ANKRD28: variants seen among roughly 807,000 people sequenced by gnomAD.
ANKRD28 encodes the protein ankyrin repeat domain 28.
Under a neutral mutation model 126.5 loss-of-function variants are expected in ANKRD28, and 44 were observed. The ratio of observed to expected loss-of-function variants is 0.35; its 90% CI spans 0.27 to 0.45. The LOEUF (loss-of-function observed/expected upper bound fraction) is 0.45, where lower values mean the gene tolerates loss of function less well. ANKRD28 is among the 20% of genes least tolerant of loss of function. ANKRD28 has a pLI of 1.00. For missense variants in ANKRD28, 1,110 were observed against 1,316.6 expected, an observed-to-expected ratio of 0.84 and a Z score of 2.43; for synonymous variants, 442 against 468.5, an observed-to-expected ratio of 0.94 and a Z score of 0.73.
intron 2 of ANKRD28, among the ~76,000 whole-genome samples, chr3:15,772,067 G>T (rs944135561): frequency 4.6e-5 from 7 of 151,918 alleles, no homozygotes; most frequent in African/African-American, 1.5e-4. Flanking sequence ...AAAATTTGGG[G>T]GATAAAGTTA....
chr3:15,733,452 TCTAA>T (rs2074795688), intron 6 of ANKRD28: 1 of 152,328 alleles, frequency 6.6e-6, no homozygotes, highest in East Asian at 1.9e-4. Flanking sequence ...TCTGCTTAAT[TCTAA>T]CTATGTTTTT....
At chr3:15,760,683 T>G (rs1559486121) in intron 3 of ANKRD28, among the ~76,000 whole-genome samples, 1 of 152,114 alleles carries the variant, frequency 6.6e-6, no homozygotes, top group Non-Finnish European at 1.5e-5. Context: ...AAGAAAGAGA[T>G]AAGACAATGT....
upstream of ANKRD28, chr3:15,798,160 G>C: frequency 1.0e-6 from 1 of 985,372 alleles, no homozygotes; most frequent in Non-Finnish European, 1.2e-6. Flanking sequence ...AGGAAATCTG[G>C]TGTACTGCCT....
intron 14 of ANKRD28, 32 bp from the exon 15 acceptor site, chr3:15,696,277 C>T: frequency 7.2e-7 from 1 of 1,381,716 alleles, no homozygotes; most frequent in Non-Finnish European, 1.0e-6. Context: ...TACTGAAAAT[C>T]CTAAATCCTG....
At position 15,817,282 on chromosome 3, in the gene ANKRD28, TTTTG is replaced by T. The variant is rs1215942874; in HGVS notation, c.28-21980_28-21977del. ...TACCATGGTTTTTTTTTCCTTGTTATTTTGTTTTTGTCCCAACTAGATAGAAAAT... is the reference window on the plus strand; with the variant it reads ...TACCATGGTTTTTTTTTCCTTGTTATTTTTTGTCCCAACTAGATAGAAAAT... On this transcript the variant is annotated intron_variant, in intron 1 of 27. Transcript: ENST00000399451. This position sits in a 1 kb window ranked among gnomAD's most constrained non-coding sequence, Gnocchi z 4.5. Among the ~76,000 whole-genome samples the T allele has an allele frequency of 6.6e-6, 1 of 152,006 alleles. No individual in the cohort carries two copies. The highest frequency in any genetic ancestry group is 1.5e-5 in the Non-Finnish European group (1 of 68,006).
chr3:15,796,131 G>A (rs148322240), intron 1 of ANKRD28, among the ~76,000 whole-genome samples: 5 of 152,206 alleles, frequency 3.3e-5, no homozygotes, highest in Admixed American at 2.6e-4. Context: ...AAACAGAAAC[G>A]TGGTTGCCAT....
chr3:15,794,414 T>G (rs963978321), intron 2 of ANKRD28, among the ~76,000 whole-genome samples: 1 of 152,084 alleles, frequency 6.6e-6, no homozygotes, highest in African/African-American at 2.4e-5. Flanking sequence ...AGGTCATCTG[T>G]TTTGGTGTTG....
rs1006025153 is a variant in ANKRD28, at chr3:15,839,600, A to G, written c.27+19777T>C. Among the ~76,000 whole-genome samples the G allele has an allele frequency of 2.1e-4, 32 of 152,154 alleles. No individual in the cohort carries two copies. Among genetic ancestry groups the G allele is most frequent in the Admixed American group, 1.3e-4 (2 of 15,268 alleles). ...AGACAAAGACACATTAAAAAAAAAGAAAACGATAGGCCAATATCACTGAGT... is the reference window on the plus strand; with the variant it reads ...AGACAAAGACACATTAAAAAAAAAGGAAACGATAGGCCAATATCACTGAGT... On this transcript the variant is annotated intron_variant, in intron 1 of 27. Transcript: ENST00000399451. This position sits in a 1 kb window ranked among gnomAD's most constrained non-coding sequence, Gnocchi z 4.3.
chr3:15,695,424 C>T lies in ANKRD28; in HGVS notation c.1660-210G>A, dbSNP rs181670973. On this transcript the variant is annotated intron_variant, in intron 15 of 27. Coordinates refer to ENST00000683139, the MANE Select transcript of ANKRD28 (RefSeq NM_001349278.2). Reference sequence around the variant, plus strand: ...AAAATTTTGGTGTGAATATCCATAACGTAGGAAAATAGTTATTTTTGTAGC... The same window carrying T: ...AAAATTTTGGTGTGAATATCCATAATGTAGGAAAATAGTTATTTTTGTAGC... 2.0e-3 allele frequency among the ~76,000 whole-genome samples: 310 copies of T among 152,148 alleles called. 2 individuals carry two copies. Among genetic ancestry groups the T allele is most frequent in the Middle Eastern group, 0.01 (3 of 294 alleles).
intron 1 of ANKRD28, among the ~76,000 whole-genome samples, chr3:15,837,894 G>GAAAAAAAAA (rs60317341): frequency 1.1e-5 from 1 of 94,204 alleles, no homozygotes; most frequent in Non-Finnish European, 2.4e-5. Context: ...AAGCTAACCA[G>GAAAAAAAAA]AAAAAAAAAA....
At position 15,670,165 on chromosome 3, in the gene ANKRD28, G is replaced by T. The variant is rs1575055635; in HGVS notation, c.*105C>A. ...ATCTCTTAACATTGGCTCACTGTGG[G>T]ATCTTTCCTCTTAGGTTGAATTTCT... On this transcript the variant is annotated 3_prime_UTR_variant, in exon 28 of 28. Transcript: ENST00000683139. 1 of 1,290,856 alleles carries T rather than the reference G, an allele frequency of 7.7e-7. No individual in the cohort carries two copies. Among genetic ancestry groups the T allele is most frequent in the Non-Finnish European group, 1.1e-6 (1 of 941,918 alleles). The allele number at this position is 1,290,856 out of a possible 1,614,324, so 80.0% of individuals were successfully genotyped here.
chr3:15,700,568 G>C (rs1040414571), intron 14 of ANKRD28, among the ~76,000 whole-genome samples: 4 of 152,130 alleles, frequency 2.6e-5, no homozygotes, highest in Non-Finnish European at 5.9e-5. Context: ...GAGGCCAAGA[G>C]ATCAAGACCA....
In ANKRD28 at chr3:15,670,298, A is replaced by G; in HGVS notation, c.3224T>C (p.Leu1075Pro). The change falls in exon 28 of 28, where the codon CTC becomes CCC. Residue 1075 changes from leucine (L) to proline (P), a missense_variant. Transcript: ENST00000683139. ...QEYLYTDVDE[L>P]NDSDSETY Reference sequence around the variant, plus strand: ...GTAGGTCTCAGAATCGGAGTCGTTGAGCTCATCCACGTCAGTGTATAAGTA... The same window carrying G: ...GTAGGTCTCAGAATCGGAGTCGTTGGGCTCATCCACGTCAGTGTATAAGTA... 1.2e-6 allele frequency: 2 copies of G among 1,608,514 alleles called. No individual in the cohort carries two copies. The highest frequency in any genetic ancestry group is 1.7e-6 in the Non-Finnish European group (2 of 1,176,842).
At chr3:15,712,738 T>C (rs1349308305) in intron 10 of ANKRD28, among the ~76,000 whole-genome samples, 2 of 152,196 alleles carry the variant, frequency 1.3e-5, no homozygotes, top group African/African-American at 4.8e-5. Context: ...AGAATGAATA[T>C]ATTGTGAAAT....
intron 4 of ANKRD28, among the ~76,000 whole-genome samples, chr3:15,749,159 G>A (rs956332588): frequency 2.2e-5 from 3 of 138,740 alleles, no homozygotes; most frequent in Admixed American, 7.3e-5. Context: ...GCCGGACTGC[G>A]GACTGCAGTG....
chr3:15,679,606 T>C (rs1206414466), intron 21 of ANKRD28, 43 bp from the exon 22 acceptor site: 2 of 1,498,016 alleles, frequency 1.3e-6, no homozygotes, highest in African/African-American at 1.4e-5. Flanking sequence ...TCAAAGGAGA[T>C]ACTGGCAAAA....
Position 15,737,089 on chromosome 3 carries a change from A to G in ANKRD28, c.496T>C (p.Ser166Pro). The G allele has an allele frequency of 1.2e-6, 2 of 1,613,964 alleles. No homozygotes were observed. The highest frequency in any genetic ancestry group is 1.7e-6 in the Non-Finnish European group (2 of 1,179,890). The change falls in exon 5 of 28, where the codon TCT becomes CCT. Residue 166 changes from serine (S) to proline (P), a missense_variant. Physicochemically the swap from Ser to Pro is moderately conservative, Grantham distance 74 (BLOSUM62 -1). Coordinates refer to ENST00000683139, the MANE Select transcript of ANKRD28 (RefSeq NM_001349278.2). ...LVPLLSNVNV[S>P]DRAGRTALHH... ...AATGCAGTCCTCCCTGCTCGATCAG[A>G]TACGTTTACATTACTCAGAAGAGGT...
At chr3:15,790,511 T>C (rs773390108) in intron 2 of ANKRD28, among the ~76,000 whole-genome samples, 4 of 151,996 alleles carry the variant, frequency 2.6e-5, no homozygotes, top group Admixed American at 6.6e-5. Flanking sequence ...TAACATGATA[T>C]ATCATATCAA....
At chr3:15,781,044 A>G (rs1274308954) in intron 2 of ANKRD28, among the ~76,000 whole-genome samples, 15 of 152,216 alleles carry the variant, frequency 9.9e-5, no homozygotes. Flanking sequence ...ACAAGCAACA[A>G]AAACAAAAAC....
Sources: gnomAD v4.1 joint callset for allele counts (sites outside exome capture counted in the v4.1 genomes callset) on GRCh38, gnomAD v4.1.1 for gene constraint, Gnocchi (gnomAD v3.1) non-coding constraint, MANE v1.5 for transcripts, NCBI Gene and HGNC (gene_info 2026-07-23, HGNC 2026-07-21) for gene names.